NEMP2: variants seen among roughly 807,000 people sequenced by gnomAD.
The protein encoded by NEMP2 is UPF0571 transmembrane protein.
NEMP2 carries 53 observed loss-of-function variants against 54.2 expected under a neutral mutation model. The observed-to-expected ratio is 0.98, with a 90% CI of 0.78 to 1.23. The LOEUF is 1.23. NEMP2 is among the 50% of genes most tolerant of loss of function. The pLI, the probability that NEMP2 is intolerant of heterozygous loss-of-function variation, is 0.00. For missense variants in NEMP2, 455 were observed against 511.3 expected, an observed-to-expected ratio of 0.89 and a Z score of 1.06; for synonymous variants, 197 against 190.3, an observed-to-expected ratio of 1.04 and a Z score of -0.29.
chr2:190,622,549 A>G, the NEMP2 span, among the ~76,000 whole-genome samples: 18 of 152,234 alleles, frequency 1.2e-4, no homozygotes, highest in African/African-American at 4.3e-4. Context: ...TGTAAGGGTA[A>G]AAATTATAAA....
At chr2:190,637,960 C>T in the NEMP2 span, among the ~76,000 whole-genome samples, 4 of 152,308 alleles carry the variant, frequency 2.6e-5, no homozygotes, top group South Asian at 2.1e-4. This position sits in a 1 kb window ranked among gnomAD's most constrained non-coding sequence, Gnocchi z 4.5. Context: ...GATCAGATCA[C>T]GTTCTTCCTT....
the NEMP2 span, among the ~76,000 whole-genome samples, chr2:190,455,000 A>ATGTAT: frequency 0.087 from 4,067 of 46,508 alleles, 106 homozygotes; most frequent in East Asian, 0.13. The surrounding 1 kb of genome is among the most constrained non-coding windows in gnomAD (Gnocchi z 4.6). Flanking sequence ...GTATATGTAT[A>ATGTAT]ATGTATATGT....
In NEMP2 at chr2:190,525,631, C is replaced by A. The variant is rs189298940; in HGVS notation, c.98-253G>T. Reference sequence around the variant, plus strand: ...ACAGAGAACAAGTACTTCTTCAATTCTGAAGCAGAAGGCAGAATTATGGGC... The same window carrying A: ...ACAGAGAACAAGTACTTCTTCAATTATGAAGCAGAAGGCAGAATTATGGGC... On this transcript the variant is annotated intron_variant, in intron 1 of 8. Coordinates refer to ENST00000409150, the MANE Select transcript of NEMP2 (RefSeq NM_001142645.2). The surrounding 1 kb of genome is among the most constrained non-coding windows in gnomAD (Gnocchi z 5.0). 2.0e-5 allele frequency among the ~76,000 whole-genome samples: 3 copies of A among 152,148 alleles called. No homozygotes were observed. The highest frequency in any genetic ancestry group is 7.2e-5 in the African/African-American group (3 of 41,506).
chr2:190,444,047 C>A, the NEMP2 span, among the ~76,000 whole-genome samples: 2 of 151,832 alleles, frequency 1.3e-5, no homozygotes, highest in African/African-American at 4.8e-5. Context: ...AGAGCAAGAC[C>A]CTGTTTCAAA....
At chr2:190,446,104 CA>C in the NEMP2 span, among the ~76,000 whole-genome samples, 1 of 152,140 alleles carries the variant, frequency 6.6e-6, no homozygotes, top group Non-Finnish European at 1.5e-5. Context: ...TAGCACTCTC[CA>C]AAAGTGAATG....
At chr2:190,500,863 T>C (rs1379333685), downstream of NEMP2, 1 of 152,236 alleles carries the variant, frequency 6.6e-6, no homozygotes, top group Admixed American at 6.5e-5. This position sits in a 1 kb window ranked among gnomAD's most constrained non-coding sequence, Gnocchi z 5.3. Context: ...AATAATTCTT[T>C]GAGCAACAGA....
Position 190,514,313 on chromosome 2 carries a change from A to G in NEMP2, c.953+140T>C, listed in dbSNP as rs1690471757. 1 of 825,484 alleles carries G rather than the reference A, an allele frequency of 1.2e-6. No individual in the cohort carries two copies. The highest frequency in any genetic ancestry group is 2.4e-5 in the Admixed American group (1 of 42,400). The allele number at this position is 825,484 out of a possible 1,614,324, so 51.1% of individuals were successfully genotyped here. ...CAGATGCTTGGAGCTCTCTACCCCTACACCCCCAATCTTGCTCAGAATGAA... is the reference window on the plus strand; with the variant it reads ...CAGATGCTTGGAGCTCTCTACCCCTGCACCCCCAATCTTGCTCAGAATGAA... On this transcript the variant is annotated intron_variant, in intron 7 of 8. Transcript: ENST00000409150. The surrounding 1 kb of genome is among the most constrained non-coding windows in gnomAD (Gnocchi z 5.7).
chr2:190,585,055 T>G, the NEMP2 span, among the ~76,000 whole-genome samples: 1 of 152,214 alleles, frequency 6.6e-6, no homozygotes, highest in Non-Finnish European at 1.5e-5. This position sits in a 1 kb window ranked among gnomAD's most constrained non-coding sequence, Gnocchi z 5.3. Flanking sequence ...AACCAGAGAT[T>G]TGCTGTGTTC....
At chr2:190,629,037 G>C in the NEMP2 span, among the ~76,000 whole-genome samples, 3 of 152,174 alleles carry the variant, frequency 2.0e-5, no homozygotes, top group Non-Finnish European at 2.9e-5. Context: ...TATCCAAATA[G>C]TGAAAGCTAT....
chr2:190,601,299 G>A, the NEMP2 span, among the ~76,000 whole-genome samples: 12 of 152,194 alleles, frequency 7.9e-5, no homozygotes, highest in Admixed American at 2.6e-4. This position sits in a 1 kb window ranked among gnomAD's most constrained non-coding sequence, Gnocchi z 5.8. Flanking sequence ...TAGTGCCTTC[G>A]GAGGAAGCAT....
the NEMP2 span, among the ~76,000 whole-genome samples, chr2:190,561,551 C>T: frequency 6.6e-6 from 1 of 152,122 alleles, no homozygotes; most frequent in Admixed American, 6.5e-5. The surrounding 1 kb of genome is among the most constrained non-coding windows in gnomAD (Gnocchi z 5.4). Context: ...GGGCCCACCC[C>T]TAATGACCTC....
At chr2:190,437,517 A>T in the NEMP2 span, 1 of 1,614,128 alleles carries the variant, frequency 6.2e-7, no homozygotes, top group South Asian at 1.1e-5. The surrounding 1 kb of genome is among the most constrained non-coding windows in gnomAD (Gnocchi z 5.9). Flanking sequence ...AGCTGACAGC[A>T]TATTTTTTTA....
the NEMP2 span, among the ~76,000 whole-genome samples, chr2:190,576,849 T>G: frequency 2.0e-5 from 3 of 152,190 alleles, no homozygotes; most frequent in Admixed American, 2.0e-4. Context: ...AGTGTTAATA[T>G]AGGGAGTAAG....
At chr2:190,640,831 T>C in the NEMP2 span, 1 of 88,592 alleles carries the variant, frequency 1.1e-5, no homozygotes, top group Non-Finnish European at 2.2e-5. Context: ...TTTTTTTTTT[T>C]TAGCTAGATG....
chr2:190,515,349 C>A (rs1471487775), intron 6 of NEMP2, among the ~76,000 whole-genome samples: 2 of 152,164 alleles, frequency 1.3e-5, no homozygotes, highest in African/African-American at 4.8e-5. Flanking sequence ...GTTTCTTTAG[C>A]ATATCACTAT....
At chr2:190,474,186 G>A in the NEMP2 span, among the ~76,000 whole-genome samples, 2 of 152,052 alleles carry the variant, frequency 1.3e-5, no homozygotes, top group Admixed American at 1.3e-4. Flanking sequence ...ACATTCAAAA[G>A]CTAGCAGAAG....
the NEMP2 span, among the ~76,000 whole-genome samples, chr2:190,497,005 A>G: frequency 6.6e-6 from 1 of 152,168 alleles, no homozygotes; most frequent in African/African-American, 2.4e-5. This position sits in a 1 kb window ranked among gnomAD's most constrained non-coding sequence, Gnocchi z 5.2. Context: ...ACAAATCACC[A>G]TTAGAGAACT....
the NEMP2 span, among the ~76,000 whole-genome samples, chr2:190,458,712 G>A: frequency 6.6e-6 from 1 of 152,122 alleles, no homozygotes. This position sits in a 1 kb window ranked among gnomAD's most constrained non-coding sequence, Gnocchi z 5.3. Context: ...AGTGAAAGTG[G>A]CAAAAATCCT....
chr2:190,470,457 G>GA, the NEMP2 span, among the ~76,000 whole-genome samples: 4 of 152,112 alleles, frequency 2.6e-5, no homozygotes, highest in African/African-American at 9.7e-5. Flanking sequence ...GAAGAGTGCT[G>GA]AAAAAATGGA....
Sources: gnomAD v4.1 joint callset for allele counts (sites outside exome capture counted in the v4.1 genomes callset) on GRCh38, gnomAD v4.1.1 for gene constraint, Gnocchi (gnomAD v3.1) non-coding constraint, MANE v1.5 for transcripts, NCBI Gene and HGNC (gene_info 2026-07-23, HGNC 2026-07-21) for gene names.